The following DLD variants were observed in gnomAD, a reference collection of about 807,000 sequenced individuals.
DLD encodes the protein dihydrolipoyl dehydrogenase, mitochondrial.
DLD carries 36 observed loss-of-function variants against 62.2 expected under a neutral mutation model. The observed-to-expected ratio is 0.58, with a 90% CI of 0.44 to 0.76. The LOEUF (loss-of-function observed/expected upper bound fraction) is 0.76. DLD is among the 30% of genes least tolerant of loss of function. The probability of loss-of-function intolerance (pLI) is 0.00; values close to 1 mark genes in which losing one functional copy is unlikely to be tolerated. For missense variants in DLD, 541 were observed against 608.6 expected, an observed-to-expected ratio of 0.89 and a Z score of 1.17; for synonymous variants, 204 against 199.6, an observed-to-expected ratio of 1.02 and a Z score of -0.19.
intron 1 of DLD, among the ~76,000 whole-genome samples, chr7:107,892,028 A>G (rs1222410211): frequency 6.6e-6 from 1 of 152,192 alleles, no homozygotes; most frequent in Non-Finnish European, 1.5e-5. Flanking sequence ...TGAGTTCTCA[A>G]AAGTTAATGT....
At chr7:107,906,130 C>T (rs1485600477) in intron 7 of DLD, 137 bp from the exon 8 acceptor site, 1 of 615,578 alleles carries the variant, frequency 1.6e-6, no homozygotes, top group Non-Finnish European at 2.9e-6. Context: ...AGTACAGATG[C>T]AACCATCAAT....
intron 1 of DLD, among the ~76,000 whole-genome samples, chr7:107,892,531 C>CTTTATTTATTTA (rs10680033): frequency 0.029 from 4,287 of 149,680 alleles, 198 homozygotes; most frequent in African/African-American, 0.092. Context: ...ACTTTCAGAG[C>CTTTATTTATTTA]TTTATTTATT....
intron 2 of DLD, among the ~76,000 whole-genome samples, chr7:107,899,682 A>G (rs2031828716): frequency 6.6e-6 from 1 of 152,090 alleles, no homozygotes; most frequent in Non-Finnish European, 1.5e-5. Flanking sequence ...TAAGAGTGAG[A>G]AAAGAATATA....
intron 4 of DLD, among the ~76,000 whole-genome samples, chr7:107,903,058 C>T (rs1263027867): frequency 2.0e-5 from 3 of 152,110 alleles, no homozygotes; most frequent in Admixed American, 2.0e-4. Context: ...AGTTAATTAA[C>T]ATATTCATTA....
intron 9 of DLD, 68 bp from the exon 10 acceptor site, chr7:107,916,726 C>T: frequency 6.7e-7 from 1 of 1,499,068 alleles, no homozygotes; most frequent in Non-Finnish European, 9.3e-7. Flanking sequence ...AATTGCTGGC[C>T]TTAAATTTCT....
chr7:107,891,546 A>G (rs1158791674), intron 1 of DLD: 3 of 596,960 alleles, frequency 5.0e-6, no homozygotes, highest in South Asian at 3.9e-5. Context: ...GCGGTCACAC[A>G]TGCCACACCC....
At chr7:107,894,290 T>C (rs1041130153) in intron 2 of DLD, among the ~76,000 whole-genome samples, 2 of 152,250 alleles carry the variant, frequency 1.3e-5, no homozygotes, top group Admixed American at 6.5e-5. Flanking sequence ...GCTTCAGTTA[T>C]AGAAATCATT....
At chr7:107,898,904 A>G (rs1376158029) in intron 2 of DLD, among the ~76,000 whole-genome samples, 1 of 152,124 alleles carries the variant, frequency 6.6e-6, no homozygotes, top group Non-Finnish European at 1.5e-5. Context: ...TATGGGACTC[A>G]ACCTGTGAAA....
At chr7:107,914,248 A>C (rs115674495) in intron 8 of DLD, among the ~76,000 whole-genome samples, 3,681 of 152,006 alleles carry the variant, frequency 0.024, 146 homozygotes, top group African/African-American at 0.084. Context: ...TTTCTTATTG[A>C]ATTTGGAGAA....
intron 5 of DLD, 59 bp from the exon 6 acceptor site, chr7:107,904,897 AAC>A (rs746119513): frequency 3.1e-6 from 4 of 1,270,888 alleles, no homozygotes; most frequent in Admixed American, 1.8e-5. Context: ...GTGAGTGAAA[AAC>A]ACTGCATATT....
At chr7:107,908,004 T>C (rs777277997) in intron 8 of DLD, among the ~76,000 whole-genome samples, 6 of 152,232 alleles carry the variant, frequency 3.9e-5, no homozygotes, top group Non-Finnish European at 7.3e-5. Flanking sequence ...TAATTAGCAT[T>C]GCTGATTTTC....
rs766756785 is a variant in DLD at position 107,917,953 on chromosome 7, A to G, written c.1266A>G (p.Pro422=). 6 of 1,613,962 alleles carry G rather than the reference A, an allele frequency of 3.7e-6. No individual in the cohort carries two copies. The African/African-American group carries it at 8.0e-5, about 22-fold the overall frequency. ...TTGAGTACAAAGTTGGGAAATTCCCATTTGCTGCTAACAGCAGAGCTAAGA... is the reference window on the plus strand; with the variant it reads ...TTGAGTACAAAGTTGGGAAATTCCCGTTTGCTGCTAACAGCAGAGCTAAGA... ...EGIEYKVGKF[P]FAANSRAKTN... is the part of the protein sequence containing the mutation. Residue 422 remains proline (P), a synonymous_variant, in exon 12 of 14, where the codon CCA becomes CCG. Coordinates refer to ENST00000205402, the MANE Select transcript of DLD (RefSeq NM_000108.5).
In DLD at chr7:107,891,239, T is replaced by C; in HGVS notation, c.-12T>C. 1 of 1,614,012 alleles carries C rather than the reference T, an allele frequency of 6.2e-7. No homozygotes were observed. The highest frequency in any genetic ancestry group is 1.3e-5 in the African/African-American group (1 of 75,034). ...GTGAAAGTATTGGCGGAAAGGAAAA[T>C]ACAGCGGAAAAATGCAGAGCTGGAG... On this transcript the variant is annotated 5_prime_UTR_variant, in exon 1 of 14. Transcript: ENST00000205402.
At chr7:107,898,322 G>C (rs2031784309) in intron 2 of DLD, among the ~76,000 whole-genome samples, 2 of 141,754 alleles carry the variant, frequency 1.4e-5, no homozygotes, top group Non-Finnish European at 3.0e-5. Flanking sequence ...TTGTTGCCCA[G>C]GCTGGAGTAG....
rs545159260 is a variant in DLD at position 107,919,636 on chromosome 7, G to T, written c.*377G>T. ...GCTAGAATTTGATATGTGAACAGTT[G>T]TGTTTGAAGCACAGTGATCAAGTTA... On this transcript the variant is annotated 3_prime_UTR_variant, in exon 14 of 14. Coordinates refer to ENST00000205402, the MANE Select transcript of DLD (RefSeq NM_000108.5). The T allele has an allele frequency of 5.0e-6, 1 of 199,594 alleles. No individual in the cohort carries two copies. Among genetic ancestry groups the T allele is most frequent in the South Asian group, 8.8e-5 (1 of 11,358 alleles). The allele number at this position is 199,594 out of a possible 1,614,324, so 12.4% of individuals were successfully genotyped here. A position where few individuals can be genotyped will look rare whatever the true frequency, so the allele number is the denominator to read the frequency against.
At chr7:107,891,558 C>T in intron 1 of DLD, 1 of 589,258 alleles carries the variant, frequency 1.7e-6, no homozygotes, top group East Asian at 2.9e-5. Flanking sequence ...GCCACACCCC[C>T]AAGCCTGGGC....
intron 8 of DLD, among the ~76,000 whole-genome samples, chr7:107,913,963 G>T (rs1165890250): frequency 6.6e-6 from 1 of 152,044 alleles, no homozygotes; most frequent in South Asian, 2.1e-4. Context: ...GGCTTTTTCA[G>T]CATCTGTTGA....
At chr7:107,909,637 G>A (rs2032090493) in intron 8 of DLD, among the ~76,000 whole-genome samples, 1 of 152,076 alleles carries the variant, frequency 6.6e-6, no homozygotes, top group African/African-American at 2.4e-5. Context: ...GAACACTTGT[G>A]GTAGTGTCTA....
At chr7:107,902,517 C>T in intron 4 of DLD, 124 bp downstream of exon 4, 1 of 844,594 alleles carries the variant, frequency 1.2e-6, no homozygotes, top group Non-Finnish European at 2.0e-6. Flanking sequence ...GCACATTTCA[C>T]ACAGAGAAAA....
Sources: allele counts gnomAD v4.1 joint callset (sites outside exome capture counted in the v4.1 genomes callset), GRCh38; gene constraint gnomAD v4.1.1; transcripts MANE v1.5; gene names NCBI Gene and HGNC (gene_info 2026-07-23, HGNC 2026-07-21).